HERC6: variants seen among roughly 807,000 people sequenced by gnomAD.
The protein encoded by HERC6 is probable E3 ubiquitin-protein ligase HERC6.
HERC6 carries 101 observed loss-of-function variants against 114.5 expected under a neutral mutation model. The observed-to-expected ratio is 0.88, with a 90% CI of 0.75 to 1.04. The LOEUF (loss-of-function observed/expected upper bound fraction) is 1.04, where lower values mean the gene tolerates loss of function less well. Ranked by LOEUF, HERC6 falls within the 50% of genes least tolerant of loss-of-function variation. The probability of loss-of-function intolerance (pLI) is 0.00; values close to 1 mark genes in which losing one functional copy is unlikely to be tolerated. For synonymous variants in HERC6, 408 were observed against 436.2 expected (o/e 0.94, Z 0.81); for missense variants, 1,133 against 1,230.9 (o/e 0.92, Z 1.19).
At position 88,390,639 on chromosome 4, in the gene HERC6, G is replaced by C; in HGVS notation, c.437-13G>C. 2 of 1,578,442 alleles carry C rather than the reference G, an allele frequency of 1.3e-6. No homozygotes were observed. Among genetic ancestry groups the C allele is most frequent in the Non-Finnish European group, 1.7e-6 (2 of 1,156,240 alleles). On this transcript the variant is annotated splice_polypyrimidine_tract_variant and intron_variant, in intron 3 of 22. Coordinates refer to ENST00000264346, the MANE Select transcript of HERC6 (RefSeq NM_017912.4). ...ATATGTGTACAATTCTTAATTTCTCGTCTTTGTTGTAGATAGCCAAGTGTT... is the reference window on the plus strand; with the variant it reads ...ATATGTGTACAATTCTTAATTTCTCCTCTTTGTTGTAGATAGCCAAGTGTT...
intron 9 of HERC6, among the ~76,000 whole-genome samples, chr4:88,405,261 C>T (rs944701766): frequency 2.0e-5 from 3 of 152,144 alleles, no homozygotes; most frequent in African/African-American, 7.2e-5. Context: ...ATAAGGTGGA[C>T]TGTTTTCATA....
intron 16 of HERC6, 98 bp from the exon 17 acceptor site, chr4:88,431,064 A>T: frequency 9.6e-7 from 1 of 1,045,484 alleles, no homozygotes; most frequent in Non-Finnish European, 1.4e-6. Flanking sequence ...TAATAATTCT[A>T]GAGACTGCAA....
chr4:88,398,393 A>G, intron 8 of HERC6, 184 bp downstream of exon 8: 3 of 416,806 alleles, frequency 7.2e-6, no homozygotes, highest in Non-Finnish European at 1.3e-5. Flanking sequence ...AACTTTCCTA[A>G]CAGATTAGAC....
chr4:88,431,102 C>T, intron 16 of HERC6, 60 bp from the exon 17 acceptor site: 1 of 1,481,054 alleles, frequency 6.8e-7, no homozygotes, highest in Non-Finnish European at 9.2e-7. Context: ...TTAAAACTTC[C>T]ATAAAGCTCA....
At chr4:88,407,185 C>A (rs766555685) in intron 10 of HERC6, among the ~76,000 whole-genome samples, 28 of 152,228 alleles carry the variant, frequency 1.8e-4, no homozygotes, top group Non-Finnish European at 3.4e-4. Context: ...TCATGTGATT[C>A]TTCCACCTCA....
intron 3 of HERC6, among the ~76,000 whole-genome samples, chr4:88,387,444 C>T (rs1453762737): frequency 6.6e-6 from 1 of 152,150 alleles, no homozygotes; most frequent in East Asian, 1.9e-4. Flanking sequence ...TTTATATCCT[C>T]ATTTCAGAAA....
chr4:88,441,099 CTT>C, intron 22 of HERC6, among the ~76,000 whole-genome samples: 1 of 151,866 alleles, frequency 6.6e-6, no homozygotes, highest in Admixed American at 6.6e-5. Flanking sequence ...TCTACACTGA[CTT>C]TTTCTGCACC....
intron 12 of HERC6, among the ~76,000 whole-genome samples, chr4:88,417,079 T>G (rs1341506188): frequency 6.6e-6 from 1 of 152,236 alleles, no homozygotes; most frequent in Admixed American, 6.5e-5. Flanking sequence ...TATGTGTTTG[T>G]GTATTCACCT....
At chr4:88,400,334 C>A (rs553944996) in intron 8 of HERC6, among the ~76,000 whole-genome samples, 3 of 152,206 alleles carry the variant, frequency 2.0e-5, no homozygotes, top group South Asian at 4.1e-4. Context: ...CCCGAGTAGC[C>A]AGGGCTACAG....
At position 88,390,177 on chromosome 4, in the gene HERC6, C is replaced by CAAAA. The variant is rs1156777502; in HGVS notation, c.437-454_437-451dup. Among the ~76,000 whole-genome samples the CAAAA allele has an allele frequency of 8.9e-3, 410 of 46,168 alleles. 1 individual carries two copies. The highest frequency in any genetic ancestry group is 0.021 in the Middle Eastern group (1 of 48). The allele number at this position is 46,168 out of a possible 152,430, so 30.3% of individuals were successfully genotyped here. On this transcript the variant is annotated intron_variant, in intron 3 of 22. Transcript: ENST00000264346. The stretch of plus-strand genomic sequence containing the variant: ...TGGATGACAGAATGAAACTCTGTAT[C>CAAAA]AAAAAAAAAAAAAAAAAAAAAAAAG...
At chr4:88,442,191 CTCTT>C in intron 22 of HERC6, 39 bp from the exon 23 acceptor site, 1 of 1,362,836 alleles carries the variant, frequency 7.3e-7, no homozygotes. Context: ...TTATGTTTTA[CTCTT>C]TCTATGAAAT....
rs769946956 is a variant in HERC6 at position 88,442,397 on chromosome 4, A to G, written c.3006A>G (p.Glu1002=). 1.9e-6 allele frequency: 3 copies of G among 1,614,084 alleles called. No homozygotes were observed. The highest frequency in any genetic ancestry group is 2.5e-6 in the Non-Finnish European group (3 of 1,179,978). The change falls in exon 23 of 23, where the codon GAA becomes GAG. Residue 1002 remains glutamate, a synonymous_variant. Coordinates refer to ENST00000264346, the MANE Select transcript of HERC6 (RefSeq NM_017912.4). ...PKYSTMERME[E]ALQVAINNNR... ...ATTCTACAATGGAAAGAATGGAGGA[A>G]GCACTTCAAGTAGCCATCAACAACA... is the stretch of plus-strand genomic sequence containing the variant.
chr4:88,396,257 T>A, intron 6 of HERC6, 115 bp downstream of exon 6: 2 of 813,464 alleles, frequency 2.5e-6, no homozygotes, highest in South Asian at 7.4e-5. Flanking sequence ...GCCTGAAAAT[T>A]TACTTATTTC....
At chr4:88,382,369 A>G (rs1734367867) in intron 1 of HERC6, among the ~76,000 whole-genome samples, 1 of 152,072 alleles carries the variant, frequency 6.6e-6, no homozygotes. Flanking sequence ...TTTTCATTGT[A>G]AGAGGATCCA....
intron 15 of HERC6, 25 bp downstream of exon 15, chr4:88,424,727 T>A: frequency 7.1e-7 from 1 of 1,409,320 alleles, no homozygotes; most frequent in Non-Finnish European, 9.9e-7. Flanking sequence ...TTTTTTAGTA[T>A]GAAAAATTTC....
rs376158821 is a variant in HERC6, at chr4:88,435,725, C to T, written c.2251C>T (p.Pro751Ser). The T allele has an allele frequency of 2.8e-5, 42 of 1,514,648 alleles. No homozygotes were observed. Among genetic ancestry groups the T allele is most frequent in the Non-Finnish European group, 3.6e-5 (41 of 1,128,276 alleles). The allele number at this position is 1,514,648 out of a possible 1,614,324, so 93.8% of individuals were successfully genotyped here. A position where few individuals can be genotyped will look rare whatever the true frequency, so the allele number is the denominator to read the frequency against. The change falls in exon 18 of 23, where the codon CCT (proline) becomes TCT (serine). Residue 751 changes from proline to serine, a missense_variant and splice_region_variant. This residue lies in a region of HERC6 where 388 missense variants were observed against 445.9 expected (regional missense o/e 0.87). Coordinates refer to ENST00000264346, the MANE Select transcript of HERC6 (RefSeq NM_017912.4). ...MGSCMWFPAK[P>S]KPEKKRYFLF... The stretch of plus-strand genomic sequence containing the variant: ...TAGGGATTTTTTTCTTCTTTTCTAG[C>T]CTAAACCTGAGAAGAAAAGATATTT...
In HERC6 at chr4:88,397,456, A is replaced by G. The variant is rs112304847; in HGVS notation, c.1024+469A>G. Among the ~76,000 whole-genome samples the G allele has an allele frequency of 7.3e-3, 1,107 of 152,028 alleles. 11 individuals are homozygous for G. The highest frequency in any genetic ancestry group is 0.025 in the African/African-American group (1,019 of 41,482). ...ATTTTTTTCTTATGCAGTGACTCTTAGGGTATTTGGTAATCATTTCTAAAG... is the reference window on the plus strand; with the variant it reads ...ATTTTTTTCTTATGCAGTGACTCTTGGGGTATTTGGTAATCATTTCTAAAG... On this transcript the variant is annotated intron_variant, in intron 7 of 22. Coordinates refer to ENST00000264346, the MANE Select transcript of HERC6 (RefSeq NM_017912.4).
chr4:88,404,932 C>G lies in HERC6; in HGVS notation c.1149C>G (p.Ser383Arg). The G allele has an allele frequency of 6.2e-7, 1 of 1,613,718 alleles. No homozygotes were observed. Among genetic ancestry groups the G allele is most frequent in the East Asian group, 2.2e-5 (1 of 44,870 alleles). The change falls in exon 9 of 23, where the codon AGC becomes AGG. Residue 383 changes from serine (S) to arginine (R), a missense_variant. Physicochemically the swap from Ser to Arg is moderately radical, Grantham distance 110. This residue lies in a region of HERC6 where 735 missense variants were observed against 754.0 expected (regional missense o/e 0.97). Coordinates refer to ENST00000264346, the MANE Select transcript of HERC6 (RefSeq NM_017912.4). ...CCCTGCCAGAAATAAGCCGAATTAG[C>G]CAGTCCATGGCAGAAAAATGGATAG... ...GKTLPEISRI[S>R]QSMAEKWIAV...
At chr4:88,438,125 C>CAAAAAAA in intron 20 of HERC6, among the ~76,000 whole-genome samples, 1 of 43,938 alleles carries the variant, frequency 2.3e-5, no homozygotes, top group Non-Finnish European at 4.6e-5. Flanking sequence ...GACTGTGTCT[C>CAAAAAAA]AAAAAAAAAA....
Sources: allele counts gnomAD v4.1 joint callset (sites outside exome capture counted in the v4.1 genomes callset), GRCh38; gene constraint gnomAD v4.1.1; regional missense constraint gnomAD v4.1.1; transcripts MANE v1.5; gene names NCBI Gene and HGNC (gene_info 2026-07-23, HGNC 2026-07-21).